The following ANKFN1 variants were observed in gnomAD, a reference collection of about 807,000 sequenced individuals.
The protein encoded by ANKFN1 is ankyrin repeat and fibronectin type III domain containing 1, also known as ankyrin repeat and fibronectin type-III domain-containing protein 1.
ANKFN1 carries 74 observed loss-of-function variants against 108.7 expected under a neutral mutation model. That is an observed-to-expected ratio of 0.68 (90% confidence interval 0.56 to 0.83). The LOEUF (loss-of-function observed/expected upper bound fraction) is 0.83, where lower values mean the gene tolerates loss of function less well. ANKFN1 is among the 40% of genes least tolerant of loss of function. ANKFN1 has a pLI of 0.00. For missense variants in ANKFN1, 1,505 were observed against 1,382.3 expected (o/e 1.09, Z -1.41); for synonymous variants, 547 against 516.2 (o/e 1.06, Z -0.81).
At chr17:56,184,371 C>T (rs1911987196) in intron 1 of ANKFN1, among the ~76,000 whole-genome samples, 1 of 152,156 alleles carries the variant, frequency 6.6e-6, no homozygotes, top group African/African-American at 2.4e-5. Flanking sequence ...TGATTGTATG[C>T]AATTTTAAAC....
In ANKFN1 at chr17:56,504,826, T is replaced by G. The variant is rs548545688; in HGVS notation, c.2645-5647T>G. ...CCCACCACCACACCTGGCTAATTTT[T>G]GGATTTTTTTTTTTTTTTTTTTTTT... is the stretch of plus-strand genomic sequence containing the variant. On this transcript the variant is annotated intron_variant, in intron 20 of 20. Transcript: ENST00000682825. Among the ~76,000 whole-genome samples, 37 of 129,302 alleles carry G rather than the reference T, an allele frequency of 2.9e-4. No individual in the cohort carries two copies. In the East Asian group the frequency reaches 8.5e-3, roughly 30 times the overall value. The allele number at this position is 129,302 out of a possible 152,430, so 84.8% of individuals were successfully genotyped here. A position where few individuals can be genotyped will look rare whatever the true frequency, so the allele number is the denominator to read the frequency against.
At chr17:56,116,350 A>G (rs1373802481) in intron 4 of ANKFN1, among the ~76,000 whole-genome samples, 3 of 152,190 alleles carry the variant, frequency 2.0e-5, no homozygotes, top group African/African-American at 7.2e-5. Context: ...AAGGATTTAC[A>G]ATCCAGTGGA....
chr17:56,393,933 A>G (rs1001840471), intron 8 of ANKFN1, among the ~76,000 whole-genome samples: 4 of 152,216 alleles, frequency 2.6e-5, no homozygotes, highest in African/African-American at 9.6e-5. Flanking sequence ...TTCCTTTACC[A>G]GTCAACAAAT....
intron 18 of ANKFN1, among the ~76,000 whole-genome samples, chr17:56,485,759 A>G (rs1433092549): frequency 2.0e-5 from 3 of 152,234 alleles, no homozygotes; most frequent in Non-Finnish European, 4.4e-5. Context: ...TCCATAGAAC[A>G]TATACTTTGG....
chr17:56,441,663 A>G lies in ANKFN1; in HGVS notation c.1009-1180A>G, dbSNP rs80247364. ...GATAAAAATGGAAAACTCTCCATAA[A>G]GAGTTTCTCTAATATCTGAACTAAT... On this transcript the variant is annotated intron_variant, in intron 9 of 20. Coordinates refer to ENST00000682825, the MANE Select transcript of ANKFN1 (RefSeq NM_001370326.1). 4.6e-5 allele frequency among the ~76,000 whole-genome samples: 7 copies of G among 152,242 alleles called. No individual in the cohort carries two copies. The East Asian group carries it at 1.3e-3, about 29-fold the overall frequency.
chr17:56,062,879 A>G (rs1347814574), intron 4 of ANKFN1, among the ~76,000 whole-genome samples: 1 of 151,936 alleles, frequency 6.6e-6, no homozygotes, highest in Admixed American at 6.6e-5. Flanking sequence ...TTTCCTTTCT[A>G]TATTTAGTGC....
At chr17:56,159,074 AGAAGAG>A (rs1177713649) in intron 1 of ANKFN1, among the ~76,000 whole-genome samples, 5 of 151,370 alleles carry the variant, frequency 3.3e-5, no homozygotes, top group African/African-American at 9.7e-5. Context: ...AGAAGAAAGA[AGAAGAG>A]GAAGAGGAGG....
chr17:56,209,028 G>A (rs992031970), intron 1 of ANKFN1, among the ~76,000 whole-genome samples: 8 of 152,158 alleles, frequency 5.3e-5, no homozygotes, highest in Non-Finnish European at 8.8e-5. Context: ...ACAGGCACAT[G>A]ACTTTAAGAG....
chr17:56,465,117 A>G (rs4794641), intron 14 of ANKFN1, among the ~76,000 whole-genome samples: 101,584 of 151,712 alleles, frequency 0.67, 34,394 homozygotes, highest in East Asian at 0.87. Context: ...TTCCTTTTTC[A>G]CTAGCCAGTT....
chr17:56,421,497 T>C (rs2048403758), intron 8 of ANKFN1, among the ~76,000 whole-genome samples: 1 of 152,220 alleles, frequency 6.6e-6, no homozygotes, highest in Non-Finnish European at 1.5e-5. Flanking sequence ...CTCTAAACGC[T>C]GATACTAAAC....
chr17:56,494,849 T>A (rs969583687), intron 19 of ANKFN1, among the ~76,000 whole-genome samples: 12 of 152,286 alleles, frequency 7.9e-5, no homozygotes, highest in Middle Eastern at 6.8e-3. Flanking sequence ...AGTATGTTCC[T>A]CCAACAAGGA....
intron 8 of ANKFN1, among the ~76,000 whole-genome samples, chr17:56,417,306 G>T (rs1717943132): frequency 6.6e-6 from 1 of 152,208 alleles, no homozygotes; most frequent in African/African-American, 2.4e-5. Flanking sequence ...TTGCATGCCT[G>T]TATCAGGGTA....
chr17:56,446,273 C>T (rs1448277511), intron 10 of ANKFN1, among the ~76,000 whole-genome samples: 1 of 152,092 alleles, frequency 6.6e-6, no homozygotes, highest in Admixed American at 6.5e-5. Flanking sequence ...TTCAGGGACG[C>T]GTAGTAATTC....
intron 4 of ANKFN1, among the ~76,000 whole-genome samples, chr17:56,087,343 A>G (rs1905335166): frequency 6.6e-6 from 1 of 151,436 alleles, no homozygotes; most frequent in African/African-American, 2.4e-5. Context: ...ACTGTGGACA[A>G]CAGTGACCAT....
At chr17:56,318,721 T>C (rs1381410222) in intron 3 of ANKFN1, among the ~76,000 whole-genome samples, 1 of 152,192 alleles carries the variant, frequency 6.6e-6, no homozygotes, top group Admixed American at 6.6e-5. Flanking sequence ...AGCCAATCTG[T>C]ATTCTTTTAA....
intron 14 of ANKFN1, among the ~76,000 whole-genome samples, chr17:56,461,297 G>C (rs994275325): frequency 6.6e-6 from 1 of 152,086 alleles, no homozygotes; most frequent in Non-Finnish European, 1.5e-5. Context: ...AAATTGTATA[G>C]TTCAGGCACC....
intron 1 of ANKFN1, among the ~76,000 whole-genome samples, chr17:56,161,082 A>T (rs1399073320): frequency 6.6e-6 from 1 of 152,214 alleles, no homozygotes; most frequent in Non-Finnish European, 1.5e-5. Context: ...AGAACTATAA[A>T]GGTTGCTGGA....
Position 56,440,263 on chromosome 17 carries a change from T to C in ANKFN1, c.911-64T>C. On this transcript the variant is annotated intron_variant, in intron 8 of 20. Coordinates refer to ENST00000682825, the MANE Select transcript of ANKFN1 (RefSeq NM_001370326.1). ...TATGCTAGAGTTTCTATGGTACTTCTTGATGTGTGACTGAATTTTATTCTC... is the reference window on the plus strand; with the variant it reads ...TATGCTAGAGTTTCTATGGTACTTCCTGATGTGTGACTGAATTTTATTCTC... 6.9e-6 allele frequency: 7 copies of C among 1,013,502 alleles called. No homozygotes were observed. The South Asian group carries it at 8.8e-5, about 13-fold the overall frequency. The allele number at this position is 1,013,502 out of a possible 1,614,324, so 62.8% of individuals were successfully genotyped here.
chr17:56,054,677 T>G (rs1904835142), intron 4 of ANKFN1, among the ~76,000 whole-genome samples: 1 of 152,142 alleles, frequency 6.6e-6, no homozygotes, highest in Admixed American at 6.6e-5. Flanking sequence ...TTTTGGAGTC[T>G]GAGGCGGGTG....
Sources: allele counts gnomAD v4.1 joint callset (sites outside exome capture counted in the v4.1 genomes callset), GRCh38; gene constraint gnomAD v4.1.1; transcripts MANE v1.5; gene names NCBI Gene and HGNC (gene_info 2026-07-23, HGNC 2026-07-21).